Variants in LMBRD1 observed in about 807,000 individuals in gnomAD.
The protein encoded by LMBRD1 is lysosomal cobalamin transport escort protein LMBD1.
A neutral mutation model predicts 74.8 loss-of-function variants in LMBRD1; 64 were observed. That is an observed-to-expected ratio of 0.86 (90% CI 0.70 to 1.05). The LOEUF (loss-of-function observed/expected upper bound fraction) is 1.05, where lower values mean the gene tolerates loss of function less well. LMBRD1 is among the 50% of genes least tolerant of loss of function. LMBRD1 has a pLI of 0.00. For missense variants in LMBRD1, 652 were observed against 645.9 expected (o/e 1.01, Z -0.10); for synonymous variants, 204 against 216.3 (o/e 0.94, Z 0.50).
rs879028095 is a variant in LMBRD1, at chr6:69,706,213, C to G, written c.916-4260G>C. On this transcript the variant is annotated intron_variant, in intron 9 of 15. Transcript: ENST00000649934. Reference sequence around the variant, plus strand: ...GAGAAGGCAGATGGAGATAAACAACCACAGCTCAAGAGAACAGCCGCACAG... The same window carrying G: ...GAGAAGGCAGATGGAGATAAACAACGACAGCTCAAGAGAACAGCCGCACAG... 23 of 413,206 alleles carry G rather than the reference C, an allele frequency of 5.6e-5. 1 individual carries two copies. Among genetic ancestry groups the G allele is most frequent in the South Asian group, 5.0e-4 (23 of 46,070 alleles). The allele number at this position is 413,206 out of a possible 1,614,324, so 25.6% of individuals were successfully genotyped here.
chr6:69,763,075 G>A (rs1765405215), intron 3 of LMBRD1, among the ~76,000 whole-genome samples: 1 of 151,740 alleles, frequency 6.6e-6, no homozygotes, highest in Non-Finnish European at 1.5e-5. Flanking sequence ...TTTAAGTAAT[G>A]TTATAAAATA....
chr6:69,714,267 A>G (rs1766445885), intron 8 of LMBRD1, among the ~76,000 whole-genome samples: 2 of 151,972 alleles, frequency 1.3e-5, no homozygotes, highest in Admixed American at 6.6e-5. Flanking sequence ...GAATGAAGCA[A>G]CACAAGCACA....
chr6:69,771,073 C>T (rs974239980), intron 3 of LMBRD1, among the ~76,000 whole-genome samples: 5 of 152,094 alleles, frequency 3.3e-5, no homozygotes, highest in African/African-American at 9.7e-5. Flanking sequence ...TTATCTACTA[C>T]CATGTAAGAG....
intron 14 of LMBRD1, among the ~76,000 whole-genome samples, chr6:69,681,790 G>T (rs1765668966): frequency 6.6e-6 from 1 of 151,942 alleles, no homozygotes; most frequent in Non-Finnish European, 1.5e-5. Context: ...CCTGATTAGG[G>T]TCTTGCTACT....
intron 7 of LMBRD1, among the ~76,000 whole-genome samples, chr6:69,730,295 G>T (rs1766827926): frequency 6.6e-6 from 1 of 151,936 alleles, no homozygotes; most frequent in Non-Finnish European, 1.5e-5. Context: ...AACTCTGCAG[G>T]CCTTAGATTA....
chr6:69,763,804 T>C (rs1403174434), intron 3 of LMBRD1, among the ~76,000 whole-genome samples: 1 of 152,244 alleles, frequency 6.6e-6, no homozygotes, highest in Admixed American at 6.5e-5. Flanking sequence ...CTTATAATTC[T>C]AATAGTATCT....
intron 8 of LMBRD1, among the ~76,000 whole-genome samples, chr6:69,715,874 G>C (rs1766478023): frequency 6.6e-6 from 1 of 152,088 alleles, no homozygotes; most frequent in South Asian, 2.1e-4. Flanking sequence ...TGCAGTATTA[G>C]ATTTTCTGTT....
rs754013620 is a variant in LMBRD1 at position 69,713,662 on chromosome 6, C to A, written c.898G>T (p.Ala300Ser). 2 of 1,613,430 alleles carry A rather than the reference C, an allele frequency of 1.2e-6. No individual in the cohort carries two copies. The highest frequency in any genetic ancestry group is 1.7e-6 in the Non-Finnish European group (2 of 1,179,566). ...TCATTTACCTTCAGGGGACGCAGAG[C>A]GCCACAAAATTTTGTCCACCAGCTG... ...ENSWWTKFCG[A>S]LRPLKIVWGI... The change falls in exon 9 of 16, where the codon GCT becomes TCT. Residue 300 changes from alanine (A) to serine (S), a missense_variant. By Grantham distance (99) the Ala-to-Ser change is moderately conservative (BLOSUM62 1). This residue lies in a region of LMBRD1 where 598 missense variants were observed against 581.8 expected (regional missense o/e 1.03). Coordinates refer to ENST00000649934, the MANE Select transcript of LMBRD1 (RefSeq NM_018368.4).
At chr6:69,775,786 G>A (rs1765685596) in intron 3 of LMBRD1, among the ~76,000 whole-genome samples, 1 of 152,130 alleles carries the variant, frequency 6.6e-6, no homozygotes, top group South Asian at 2.1e-4. Flanking sequence ...AGCTACAGTA[G>A]CCACTTTTTT....
At chr6:69,681,761 A>G (rs895392610) in intron 14 of LMBRD1, among the ~76,000 whole-genome samples, 3 of 151,954 alleles carry the variant, frequency 2.0e-5, no homozygotes, top group East Asian at 1.9e-4. Context: ...TTGGCTGCCC[A>G]TGACTGTGCC....
intron 9 of LMBRD1, among the ~76,000 whole-genome samples, chr6:69,711,861 G>A (rs1418196271): frequency 6.6e-6 from 1 of 151,794 alleles, no homozygotes; most frequent in Non-Finnish European, 1.5e-5. Context: ...TTAAGTTCAC[G>A]GGTACAAATG....
At position 69,701,547 on chromosome 6, in the gene LMBRD1, T is replaced by TA. The variant is rs202207965; in HGVS notation, c.981-3dup. On this transcript the variant is annotated splice_polypyrimidine_tract_variant and splice_region_variant and intron_variant, in intron 10 of 15. Coordinates refer to ENST00000649934, the MANE Select transcript of LMBRD1 (RefSeq NM_018368.4). ...GCTGAATGAAGAGCTTTATCTAAAC[T>TA]AAAAAAAATTACAAAGAATGAAATT... 10,684 of 1,541,856 alleles carry TA rather than the reference T, an allele frequency of 6.9e-3. 238 individuals are homozygous for TA. In the East Asian group the frequency reaches 0.088, roughly 13 times the overall value.
At chr6:69,785,820 C>A (rs961494453) in intron 2 of LMBRD1, among the ~76,000 whole-genome samples, 1 of 152,182 alleles carries the variant, frequency 6.6e-6, no homozygotes. Context: ...TGGATCTCAG[C>A]TTTTACCAAA....
intron 8 of LMBRD1, among the ~76,000 whole-genome samples, chr6:69,717,120 T>C (rs1443272462): frequency 1.3e-5 from 2 of 152,046 alleles, no homozygotes; most frequent in Non-Finnish European, 1.5e-5. Flanking sequence ...TTTGTGGCTA[T>C]TGTGAATGGG....
At chr6:69,783,906 A>G (rs1257258412) in intron 2 of LMBRD1, among the ~76,000 whole-genome samples, 1 of 152,228 alleles carries the variant, frequency 6.6e-6, no homozygotes. Context: ...ACTTGAAGCA[A>G]AAGAATCATT....
chr6:69,718,843 A>G, intron 8 of LMBRD1, 113 bp downstream of exon 8: 1 of 1,149,820 alleles, frequency 8.7e-7, no homozygotes. Flanking sequence ...ATGCTGCAAA[A>G]AATTCAAACA....
chr6:69,676,391 C>A (rs1484701938), intron 15 of LMBRD1, 59 bp downstream of exon 15: 3 of 1,577,196 alleles, frequency 1.9e-6, no homozygotes, highest in African/African-American at 1.4e-5. Flanking sequence ...AAAGAGTTTA[C>A]ACATTTAACT....
chr6:69,755,440 G>C (rs1030263351), intron 3 of LMBRD1, among the ~76,000 whole-genome samples: 1 of 151,904 alleles, frequency 6.6e-6, no homozygotes, highest in Non-Finnish European at 1.5e-5. Context: ...AGGGGGTTGG[G>C]TCAAGGCCGG....
chr6:69,763,744 T>A (rs1407209916), intron 3 of LMBRD1, among the ~76,000 whole-genome samples: 3 of 152,150 alleles, frequency 2.0e-5, no homozygotes, highest in Non-Finnish European at 4.4e-5. Context: ...ATCACCACAG[T>A]GGGTCCTGAA....
Sources: allele counts gnomAD v4.1 joint callset (sites outside exome capture counted in the v4.1 genomes callset), GRCh38; gene constraint gnomAD v4.1.1; regional missense constraint gnomAD v4.1.1; transcripts MANE v1.5; gene names NCBI Gene and HGNC (gene_info 2026-07-23, HGNC 2026-07-21).